The following SUPT3H variants were observed in gnomAD, a reference collection of about 807,000 sequenced individuals.
SUPT3H encodes transcription initiation protein SPT3 homolog.
Under a neutral mutation model 44.3 loss-of-function variants are expected in SUPT3H, and 44 were observed. The ratio of observed to expected loss-of-function variants is 0.99; its 90% CI spans 0.78 to 1.28. The LOEUF (loss-of-function observed/expected upper bound fraction) is 1.28, where lower values mean the gene tolerates loss of function less well. Among genes scored for constraint, SUPT3H ranks in the 50% most tolerant of loss-of-function variants. The pLI, the probability that SUPT3H is intolerant of heterozygous loss-of-function variation, is 0.00. For synonymous variants in SUPT3H, 124 were observed against 125.6 expected (o/e 0.99, Z 0.09); for missense variants, 380 against 387.1 (o/e 0.98, Z 0.15).
intron 9 of SUPT3H, among the ~76,000 whole-genome samples, chr6:44,935,035 T>C (rs767203981): frequency 6.6e-6 from 1 of 152,216 alleles, no homozygotes; most frequent in Non-Finnish European, 1.5e-5. Flanking sequence ...ATTTTGCCAA[T>C]TTCAGGTTTA....
chr6:45,123,901 T>C (rs764086497), intron 2 of SUPT3H, among the ~76,000 whole-genome samples: 1 of 152,180 alleles, frequency 6.6e-6, no homozygotes, highest in Admixed American at 6.5e-5. Flanking sequence ...AAGTGCTACA[T>C]CTCATGAAAT....
chr6:44,909,581 T>C (rs958630935), intron 10 of SUPT3H, among the ~76,000 whole-genome samples: 1 of 152,230 alleles, frequency 6.6e-6, no homozygotes, highest in African/African-American at 2.4e-5. Context: ...TTTATAGTTA[T>C]CTAGAATTTT....
chr6:45,253,088 C>T (rs1772668643), intron 2 of SUPT3H, among the ~76,000 whole-genome samples: 1 of 151,890 alleles, frequency 6.6e-6, no homozygotes, highest in Non-Finnish European at 1.5e-5. Flanking sequence ...TGTGACATGA[C>T]ATAGATTTTT....
chr6:45,328,973 T>A (rs1786915067), intron 2 of SUPT3H, among the ~76,000 whole-genome samples: 1 of 152,056 alleles, frequency 6.6e-6, no homozygotes, highest in Non-Finnish European at 1.5e-5. Flanking sequence ...ATGTATCTAA[T>A]TTTCAAAGTA....
intron 9 of SUPT3H, among the ~76,000 whole-genome samples, chr6:44,950,779 A>C (rs1206451783): frequency 6.7e-6 from 1 of 149,078 alleles, no homozygotes; most frequent in Non-Finnish European, 1.5e-5. Flanking sequence ...TCCACTGTAC[A>C]TGGCACTACC....
intron 6 of SUPT3H, among the ~76,000 whole-genome samples, chr6:44,994,388 G>A (rs781368569): frequency 1.1e-4 from 17 of 152,100 alleles, no homozygotes; most frequent in East Asian, 1.9e-4. Flanking sequence ...TGAACAGAGC[G>A]CCAAGATTCT....
chr6:44,866,144 C>A, intron 10 of SUPT3H, among the ~76,000 whole-genome samples: 1 of 141,106 alleles, frequency 7.1e-6, no homozygotes, highest in African/African-American at 2.7e-5. Flanking sequence ...AGTAGATTGC[C>A]TGTCTAAGAG....
At chr6:44,809,886 C>T (rs1167324261) in intron 11 of SUPT3H, among the ~76,000 whole-genome samples, 1 of 152,174 alleles carries the variant, frequency 6.6e-6, no homozygotes, top group East Asian at 1.9e-4. Context: ...AAACACCACA[C>T]AGCCATTAAG....
intron 10 of SUPT3H, among the ~76,000 whole-genome samples, chr6:44,928,882 C>CAAAATAAAAAAAAAAAAAAAA (rs1491206167): frequency 1.5e-4 from 3 of 20,642 alleles, no homozygotes; most frequent in Admixed American, 6.3e-4. Flanking sequence ...GACTCCGTCT[C>CAAAATAAAAAAAAAAAAAAAA]AAAAAAAAAA....
At chr6:44,824,848 A>G (rs766529918), downstream of SUPT3H, among the ~76,000 whole-genome samples, 2 of 152,156 alleles carry the variant, frequency 1.3e-5, no homozygotes, top group Non-Finnish European at 1.5e-5. Flanking sequence ...ATTTATTTCC[A>G]TACACCACTT....
chr6:44,833,954 T>C (rs1247817844), intron 10 of SUPT3H, among the ~76,000 whole-genome samples: 1 of 152,186 alleles, frequency 6.6e-6, no homozygotes. Flanking sequence ...TAAATCTAAA[T>C]CATCTTCACT....
At chr6:45,353,036 GT>G (rs1175844975) in intron 2 of SUPT3H, among the ~76,000 whole-genome samples, 8 of 151,944 alleles carry the variant, frequency 5.3e-5, no homozygotes. Context: ...AAACTGAGAA[GT>G]TCTTCAGAGT....
At chr6:45,236,659 C>T (rs2153644348) in intron 2 of SUPT3H, among the ~76,000 whole-genome samples, 1 of 152,030 alleles carries the variant, frequency 6.6e-6, no homozygotes, top group Non-Finnish European at 1.5e-5. Flanking sequence ...CAAGCAACCT[C>T]TCTCAGTTCT....
intron 2 of SUPT3H, among the ~76,000 whole-genome samples, chr6:45,110,220 C>T (rs146543821): frequency 0.012 from 1,782 of 152,296 alleles, 22 homozygotes; most frequent in Non-Finnish European, 0.018. Context: ...AAATGTCTCA[C>T]TTCAACCTAG....
intron 9 of SUPT3H, among the ~76,000 whole-genome samples, chr6:44,936,658 A>G (rs752499184): frequency 3.3e-5 from 5 of 152,126 alleles, no homozygotes; most frequent in Admixed American, 6.6e-5. Flanking sequence ...GTTGTAAAAA[A>G]TATTATTTCG....
chr6:45,298,860 C>T (rs1168504471), intron 2 of SUPT3H, among the ~76,000 whole-genome samples: 1 of 152,068 alleles, frequency 6.6e-6, no homozygotes, highest in African/African-American at 2.4e-5. Context: ...GTCAACTTTA[C>T]CTTGATCTCA....
chr6:45,028,110 T>G (rs920328086), intron 3 of SUPT3H, among the ~76,000 whole-genome samples: 14 of 152,198 alleles, frequency 9.2e-5, no homozygotes, highest in African/African-American at 3.4e-4. Context: ...TTTTGAAAAT[T>G]TCTATTGTCT....
intron 10 of SUPT3H, among the ~76,000 whole-genome samples, chr6:44,886,847 A>G (rs1037424654): frequency 6.6e-6 from 1 of 152,184 alleles, no homozygotes; most frequent in Non-Finnish European, 1.5e-5. Context: ...GTCAAGACCC[A>G]TCAGTGTGCT....
At chr6:45,339,700 CA>C (rs2150126430) in intron 2 of SUPT3H, among the ~76,000 whole-genome samples, 1 of 152,138 alleles carries the variant, frequency 6.6e-6, no homozygotes, top group South Asian at 2.1e-4. Flanking sequence ...ATTCTAAGTA[CA>C]TAATCAATCT....
Sources: gnomAD v4.1 joint callset for allele counts (sites outside exome capture counted in the v4.1 genomes callset) on GRCh38, gnomAD v4.1.1 for gene constraint, MANE v1.5 for transcripts, NCBI Gene and HGNC (gene_info 2026-07-23, HGNC 2026-07-21) for gene names.